GLIS3: variants seen among roughly 807,000 people sequenced by gnomAD.
GLIS3 encodes GLIS family zinc finger 3.
In GLIS3, 53 loss-of-function variants were observed where a neutral mutation model predicts 78.6. That is an observed-to-expected ratio of 0.67 (90% CI 0.54 to 0.85). The LOEUF (loss-of-function observed/expected upper bound fraction) is 0.85, where lower values mean the gene tolerates loss of function less well. GLIS3 is among the 40% of genes least tolerant of loss of function. The pLI is 0.00. For missense variants in GLIS3, 1,703 were observed against 1,231.1 expected (o/e 1.38, Z -5.74); for synonymous variants, 684 against 509.9 (o/e 1.34, Z -4.60).
intron 2 of GLIS3, among the ~76,000 whole-genome samples, chr9:4,312,901 C>A (rs117626470): frequency 6.6e-6 from 1 of 152,198 alleles, no homozygotes; most frequent in African/African-American, 2.4e-5. Context: ...TTCATTTAAT[C>A]CTCACAGTAA....
intron 2 of GLIS3, among the ~76,000 whole-genome samples, chr9:4,331,061 C>G (rs1032530853): frequency 6.6e-6 from 1 of 152,180 alleles, no homozygotes; most frequent in Non-Finnish European, 1.5e-5. Context: ...TTTCCTAAGG[C>G]TGCATAACAA....
chr9:4,160,799 G>A (rs1011516860), intron 2 of GLIS3, among the ~76,000 whole-genome samples: 2 of 152,134 alleles, frequency 1.3e-5, no homozygotes, highest in Non-Finnish European at 2.9e-5. Context: ...AACTTCTGGA[G>A]GCATGTAGAT....
chr9:4,163,851 T>C (rs966177338), intron 2 of GLIS3, among the ~76,000 whole-genome samples: 1 of 152,212 alleles, frequency 6.6e-6, no homozygotes, highest in Non-Finnish European at 1.5e-5. Flanking sequence ...CTATTATTAC[T>C]GTTAATAATA....
chr9:3,833,055 A>G (rs1489489237), intron 9 of GLIS3, among the ~76,000 whole-genome samples: 3 of 152,202 alleles, frequency 2.0e-5, no homozygotes, highest in Non-Finnish European at 4.4e-5. Flanking sequence ...GGCAAAATAC[A>G]CCTAGAAAAG....
chr9:4,477,372 TG>T, the GLIS3 span, among the ~76,000 whole-genome samples: 2 of 5,466 alleles, frequency 3.7e-4, no homozygotes, highest in African/African-American at 1.4e-3. Context: ...TAGAGTGGGG[TG>T]GGGGTGGGAG....
intron 4 of GLIS3, among the ~76,000 whole-genome samples, chr9:4,052,102 G>C (rs555767645): frequency 6.6e-6 from 1 of 152,254 alleles, no homozygotes; most frequent in East Asian, 1.9e-4. Flanking sequence ...CTGAATATTT[G>C]CATACCTGTG....
chr9:4,151,569 G>C (rs1328020740), intron 2 of GLIS3, among the ~76,000 whole-genome samples: 1 of 152,186 alleles, frequency 6.6e-6, no homozygotes, highest in African/African-American at 2.4e-5. Context: ...CAAGCAGTAA[G>C]TGGGGCTCTA....
intron 6 of GLIS3, among the ~76,000 whole-genome samples, chr9:3,914,306 T>C (rs568459952): frequency 1.4e-5 from 2 of 147,652 alleles, no homozygotes; most frequent in Non-Finnish European, 3.0e-5. Context: ...CCACCAAATC[T>C]GGCTAAGTTT....
At chr9:4,192,573 AT>A (rs1318450690) in intron 2 of GLIS3, among the ~76,000 whole-genome samples, 5 of 152,340 alleles carry the variant, frequency 3.3e-5, no homozygotes, top group Admixed American at 3.3e-4. Flanking sequence ...TTAGCAAAAT[AT>A]CAAAATTGGC....
At chr9:4,379,310 G>A in the GLIS3 span, among the ~76,000 whole-genome samples, 1 of 152,248 alleles carries the variant, frequency 6.6e-6, no homozygotes, top group Admixed American at 6.5e-5. Context: ...TCCCTACTGA[G>A]GTTAATAGGG....
intron 4 of GLIS3, among the ~76,000 whole-genome samples, chr9:4,056,185 G>C (rs535433113): frequency 6.6e-6 from 1 of 152,316 alleles, no homozygotes; most frequent in East Asian, 1.9e-4. Context: ...ATAGCAGGGT[G>C]TCCTGCAAAG....
intron 4 of GLIS3, among the ~76,000 whole-genome samples, chr9:4,021,198 A>G (rs1174454702): frequency 1.3e-5 from 2 of 152,180 alleles, no homozygotes; most frequent in East Asian, 3.8e-4. Context: ...TATACACACT[A>G]TATGACACTA....
upstream of GLIS3, among the ~76,000 whole-genome samples, chr9:4,348,690 T>C (rs2130596698): frequency 6.6e-6 from 1 of 152,284 alleles, no homozygotes; most frequent in Middle Eastern, 3.4e-3. Flanking sequence ...AATATGGTAT[T>C]GTTAAACAAA....
chr9:3,962,164 G>T (rs1368691894), intron 4 of GLIS3, among the ~76,000 whole-genome samples: 2 of 152,124 alleles, frequency 1.3e-5, no homozygotes, highest in Non-Finnish European at 2.9e-5. Flanking sequence ...GGGCTGCCGT[G>T]AGCCATGCTG....
At chr9:3,903,066 T>A (rs564562854) in intron 6 of GLIS3, among the ~76,000 whole-genome samples, 2 of 152,198 alleles carry the variant, frequency 1.3e-5, no homozygotes, top group Non-Finnish European at 2.9e-5. Context: ...CTTGTTGTCA[T>A]CATAAAATAT....
intron 2 of GLIS3, among the ~76,000 whole-genome samples, chr9:4,344,529 G>A (rs1426535223): frequency 6.6e-6 from 1 of 152,188 alleles, no homozygotes; most frequent in Non-Finnish European, 1.5e-5. Context: ...CTTTAGGCCT[G>A]TTTTCTTCTC....
Position 4,085,277 on chromosome 9 carries a change from T to C in GLIS3, c.1710+32491A>G, listed in dbSNP as rs558266010. ...TCACTGATGGCTTTTTTTTTTTAAA[T>C]CTTTCCTCCATTTAAGCATTGATAT... On this transcript the variant is annotated intron_variant, in intron 4 of 10. Coordinates refer to ENST00000381971, the MANE Select transcript of GLIS3 (RefSeq NM_001042413.2). 2.7e-4 allele frequency among the ~76,000 whole-genome samples: 41 copies of C among 151,996 alleles called. No individual in the cohort carries two copies. The South Asian group carries it at 6.4e-3, about 24-fold the overall frequency.
the GLIS3 span, among the ~76,000 whole-genome samples, chr9:4,400,120 T>C: frequency 2.1e-4 from 32 of 152,304 alleles, no homozygotes; most frequent in East Asian, 5.4e-3. Flanking sequence ...ATTGGTGTTT[T>C]CAACACAGGA....
the GLIS3 span, among the ~76,000 whole-genome samples, chr9:4,441,617 T>A: frequency 6.7e-6 from 1 of 149,962 alleles, no homozygotes; most frequent in Admixed American, 6.6e-5. Flanking sequence ...TTCCTTTTTC[T>A]TTTTTTTGAG....
Sources: allele counts gnomAD v4.1 joint callset (sites outside exome capture counted in the v4.1 genomes callset), GRCh38; gene constraint gnomAD v4.1.1; transcripts MANE v1.5; gene names NCBI Gene and HGNC (gene_info 2026-07-23, HGNC 2026-07-21).